The following TBC1D8 variants were observed in gnomAD, a reference collection of about 807,000 sequenced individuals.
TBC1D8 encodes the protein BUB2-like protein 1.
In TBC1D8, 65 loss-of-function variants were observed where a neutral mutation model predicts 118.8. The ratio of observed to expected loss-of-function variants is 0.55; its 90% CI spans 0.45 to 0.67. TBC1D8 has a LOEUF of 0.67. Among genes scored for constraint, TBC1D8 ranks in the 30% least tolerant of loss-of-function variants. The pLI, the probability that TBC1D8 is intolerant of heterozygous loss-of-function variation, is 0.00. For synonymous variants in TBC1D8, 566 were observed against 595.8 expected, an observed-to-expected ratio of 0.95 and a Z score of 0.73; for missense variants, 1,376 against 1,471.2, an observed-to-expected ratio of 0.94 and a Z score of 1.06.
At chr2:101,010,833 G>C in intron 19 of TBC1D8, 96 bp downstream of exon 19, 1 of 996,920 alleles carries the variant, frequency 1.0e-6, no homozygotes, top group Non-Finnish European at 1.5e-6. Context: ...AGTGGGCTGA[G>C]ATCGCGCCAC....
At chr2:101,059,660 G>A in intron 2 of TBC1D8, 121 bp from the exon 3 acceptor site, 1 of 841,456 alleles carries the variant, frequency 1.2e-6, no homozygotes, top group Admixed American at 2.5e-5. Context: ...TCTGGCCTTG[G>A]CCAGGCGCAG....
At chr2:101,136,927 C>A (rs1185538829) in intron 1 of TBC1D8, among the ~76,000 whole-genome samples, 1 of 152,130 alleles carries the variant, frequency 6.6e-6, no homozygotes, top group African/African-American at 2.4e-5. Context: ...TCTGAGGCTG[C>A]GCAATGCTCT....
intron 2 of TBC1D8, among the ~76,000 whole-genome samples, chr2:101,073,214 G>A (rs1467851747): frequency 1.3e-5 from 2 of 151,980 alleles, no homozygotes; most frequent in Non-Finnish European, 2.9e-5. Context: ...ACAATTTCTA[G>A]ATAGCATCTT....
At chr2:101,140,157 A>G (rs1474317432) in intron 1 of TBC1D8, among the ~76,000 whole-genome samples, 2 of 152,216 alleles carry the variant, frequency 1.3e-5, no homozygotes. Context: ...GAGACCCTAC[A>G]AAGAGTGGGT....
At chr2:101,076,772 T>C (rs1432201129) in intron 2 of TBC1D8, among the ~76,000 whole-genome samples, 3 of 152,232 alleles carry the variant, frequency 2.0e-5, no homozygotes, top group Non-Finnish European at 4.4e-5. Flanking sequence ...ACCTTCAAAC[T>C]GCCCTTAGTC....
At chr2:101,092,458 G>C (rs1410836879) in intron 1 of TBC1D8, among the ~76,000 whole-genome samples, 1 of 152,072 alleles carries the variant, frequency 6.6e-6, no homozygotes, top group Non-Finnish European at 1.5e-5. Flanking sequence ...AAATTAACGA[G>C]TATTCTGTGG....
intron 19 of TBC1D8, among the ~76,000 whole-genome samples, chr2:101,008,596 CCTGAGGTTGGG>C (rs1412990922): frequency 1.3e-5 from 2 of 152,048 alleles, no homozygotes; most frequent in Admixed American, 1.3e-4. Context: ...AGGCGGATCA[CCTGAGGTTGGG>C]AGTCAGACCA....
chr2:101,074,444 C>G (rs190654896), intron 2 of TBC1D8, among the ~76,000 whole-genome samples: 1 of 152,164 alleles, frequency 6.6e-6, no homozygotes, highest in Non-Finnish European at 1.5e-5. Context: ...CACATTCCAA[C>G]GCTGTTGGAA....
chr2:101,041,876 T>C (rs1173365593), intron 5 of TBC1D8, among the ~76,000 whole-genome samples: 1 of 151,770 alleles, frequency 6.6e-6, no homozygotes, highest in East Asian at 1.9e-4. Flanking sequence ...AATACAAACA[T>C]CAGCTGGGTG....
chr2:101,144,367 A>G (rs1025950177), intron 1 of TBC1D8, among the ~76,000 whole-genome samples: 4 of 152,084 alleles, frequency 2.6e-5, no homozygotes, highest in Non-Finnish European at 5.9e-5. Context: ...CGGAGCCCCA[A>G]AGGTTCACAA....
intron 11 of TBC1D8, among the ~76,000 whole-genome samples, chr2:101,031,701 T>C (rs1680679668): frequency 6.6e-6 from 1 of 152,152 alleles, no homozygotes. Flanking sequence ...AGAGTCCAGA[T>C]AGCAGCCAAC....
intron 10 of TBC1D8, chr2:101,032,807 C>T (rs10179426): frequency 0.16 from 26,628 of 164,270 alleles, 2,313 homozygotes; most frequent in Middle Eastern, 0.3. Flanking sequence ...TCATTAATCC[C>T]GGCTTGTGCT....
chr2:101,054,648 CAAACA>C (rs140819154), intron 3 of TBC1D8, among the ~76,000 whole-genome samples: 872 of 56,342 alleles, frequency 0.015, 15 homozygotes, highest in African/African-American at 0.049. Flanking sequence ...GGTTCTCAAA[CAAACA>C]ATCATTTTCT....
chr2:101,063,060 C>T (rs1195676581), intron 2 of TBC1D8, among the ~76,000 whole-genome samples: 1 of 152,174 alleles, frequency 6.6e-6, no homozygotes, highest in Non-Finnish European at 1.5e-5. Context: ...CCTCCACTCC[C>T]ATCCTCCCAA....
chr2:101,036,642 A>G (rs1448804631), intron 8 of TBC1D8, among the ~76,000 whole-genome samples: 3 of 152,134 alleles, frequency 2.0e-5, no homozygotes, highest in African/African-American at 7.2e-5. Flanking sequence ...GGGAAAACTG[A>G]AACCTGAAAA....
chr2:101,086,218 A>T (rs1675613149), intron 2 of TBC1D8, among the ~76,000 whole-genome samples: 1 of 152,210 alleles, frequency 6.6e-6, no homozygotes, highest in Admixed American at 6.6e-5. Flanking sequence ...ACTGCTGCAA[A>T]CCAAATTATT....
chr2:101,037,768 G>A (rs1216579622), intron 7 of TBC1D8, 60 bp from the exon 8 acceptor site: 2 of 1,597,688 alleles, frequency 1.3e-6, no homozygotes, highest in African/African-American at 1.3e-5. Flanking sequence ...CATGGCTTTA[G>A]TCGAGGGGAC....
chr2:101,119,794 G>A (rs1278215248), intron 1 of TBC1D8, among the ~76,000 whole-genome samples: 2 of 152,224 alleles, frequency 1.3e-5, no homozygotes, highest in Non-Finnish European at 1.5e-5. Context: ...CAGAGAAGCA[G>A]AAGGCACCTG....
At chr2:101,045,609 TG>T (rs1681650212) in intron 5 of TBC1D8, among the ~76,000 whole-genome samples, 1 of 152,134 alleles carries the variant, frequency 6.6e-6, no homozygotes, top group Non-Finnish European at 1.5e-5. Flanking sequence ...CCTGCCCTCT[TG>T]GATAAGGGAG....
Sources: allele counts gnomAD v4.1 joint callset (sites outside exome capture counted in the v4.1 genomes callset), GRCh38; gene constraint gnomAD v4.1.1; transcripts MANE v1.5; gene names NCBI Gene and HGNC (gene_info 2026-07-23, HGNC 2026-07-21).